CDH12: variants seen among roughly 807,000 people sequenced by gnomAD.
CDH12 encodes the protein cadherin-12.
CDH12 carries 41 observed loss-of-function variants against 74.1 expected under a neutral mutation model. That is an observed-to-expected ratio of 0.55 (90% confidence interval 0.43 to 0.72). The LOEUF (loss-of-function observed/expected upper bound fraction) is 0.72, where lower values mean the gene tolerates loss of function less well. Ranked by LOEUF, CDH12 falls within the 30% of genes least tolerant of loss-of-function variation. The pLI is 0.00. For missense variants in CDH12, 945 were observed against 977.2 expected (o/e 0.97, Z 0.44); for synonymous variants, 399 against 355.0 (o/e 1.12, Z -1.39).
chr5:22,052,754 A>G (rs1406149264), intron 5 of CDH12, among the ~76,000 whole-genome samples: 1 of 152,132 alleles, frequency 6.6e-6, no homozygotes, highest in African/African-American at 2.4e-5. Flanking sequence ...AACATTTATT[A>G]CATTTATTAA....
At chr5:22,744,215 G>C (rs576513284) in intron 1 of CDH12, among the ~76,000 whole-genome samples, 1 of 152,130 alleles carries the variant, frequency 6.6e-6, no homozygotes, top group South Asian at 2.1e-4. Flanking sequence ...GGATCACGAG[G>C]TCAGGAGATC....
intron 3 of CDH12, among the ~76,000 whole-genome samples, chr5:22,290,962 T>G (rs558639966): frequency 1.6e-4 from 25 of 152,212 alleles, no homozygotes; most frequent in Admixed American, 4.6e-4. Flanking sequence ...CTCAATCTCT[T>G]CCGAAAAATT....
At position 21,907,067 on chromosome 5, in the gene CDH12, T is replaced by C. The variant is rs141679502; in HGVS notation, c.527-52277A>G. 1.6e-4 allele frequency among the ~76,000 whole-genome samples: 25 copies of C among 152,296 alleles called. 1 individual carries two copies. In the East Asian group the frequency reaches 3.3e-3, roughly 20 times the overall value. On this transcript the variant is annotated intron_variant, in intron 6 of 14. Coordinates refer to ENST00000382254, the MANE Select transcript of CDH12 (RefSeq NM_004061.5). ...TTACAAAAGACAGCCTCAGTCTTAA[T>C]AGAAATACAAGCTACTGCAATACTG...
chr5:21,882,538 G>A lies in CDH12; in HGVS notation c.527-27748C>T, dbSNP rs1752408643. 8.5e-6 allele frequency: 9 copies of A among 1,062,470 alleles called. No individual in the cohort carries two copies. In the Admixed American group the frequency reaches 8.6e-5, roughly 10 times the overall value. The allele number at this position is 1,062,470 out of a possible 1,614,324, so 65.8% of individuals were successfully genotyped here. Reference sequence around the variant, plus strand: ...ATTAGCACTCTGTCCCTCACTCGCCGCCGACAACCTGTCTCGCCGCGCGCA... The same window carrying A: ...ATTAGCACTCTGTCCCTCACTCGCCACCGACAACCTGTCTCGCCGCGCGCA... On this transcript the variant is annotated intron_variant, in intron 6 of 14. Coordinates refer to ENST00000382254, the MANE Select transcript of CDH12 (RefSeq NM_004061.5).
chr5:22,599,234 T>C (rs1490722234), intron 1 of CDH12, among the ~76,000 whole-genome samples: 1 of 152,184 alleles, frequency 6.6e-6, no homozygotes, highest in Non-Finnish European at 1.5e-5. Context: ...TATTCATTAT[T>C]CAGCGGTCTG....
chr5:22,502,387 G>T lies in CDH12; in HGVS notation c.-428+2883C>A, dbSNP rs188285561. Among the ~76,000 whole-genome samples, 26 of 152,146 alleles carry T rather than the reference G, an allele frequency of 1.7e-4. No individual in the cohort carries two copies. In the East Asian group the frequency reaches 5.0e-3, roughly 29 times the overall value. The stretch of plus-strand genomic sequence containing the variant: ...AGCCTCCCCAGCCATGTGGAACTGT[G>T]AGTCCATTAAACCTCTTTTTCTTTA... On this transcript the variant is annotated intron_variant, in intron 2 of 14. Transcript: ENST00000382254.
chr5:22,340,265 G>A (rs1286024081), intron 3 of CDH12, among the ~76,000 whole-genome samples: 2 of 152,110 alleles, frequency 1.3e-5, no homozygotes, highest in East Asian at 1.9e-4. Flanking sequence ...CGTGGCTCAC[G>A]CCTGTAACCC....
chr5:22,472,121 T>TCA (rs1210271510), intron 2 of CDH12, among the ~76,000 whole-genome samples: 1 of 152,076 alleles, frequency 6.6e-6, no homozygotes, highest in East Asian at 1.9e-4. Context: ...AGAAACATTA[T>TCA]CACATATCAG....
intron 5 of CDH12, among the ~76,000 whole-genome samples, chr5:22,034,393 T>C (rs992152552): frequency 6.6e-6 from 1 of 152,172 alleles, no homozygotes; most frequent in Non-Finnish European, 1.5e-5. Context: ...GGTAACAGAA[T>C]TCTAGTAATG....
At chr5:22,821,497 G>A (rs937001326) in intron 1 of CDH12, among the ~76,000 whole-genome samples, 4 of 152,098 alleles carry the variant, frequency 2.6e-5, no homozygotes, top group Non-Finnish European at 5.9e-5. Context: ...CATTGTCTCA[G>A]CCCAAAATCT....
chr5:22,386,264 C>G (rs1386454914), intron 3 of CDH12, among the ~76,000 whole-genome samples: 1 of 152,136 alleles, frequency 6.6e-6, no homozygotes, highest in Non-Finnish European at 1.5e-5. Flanking sequence ...AAATCCATCC[C>G]CATGATCCAG....
At chr5:22,044,034 T>C (rs1380720982) in intron 5 of CDH12, among the ~76,000 whole-genome samples, 1 of 152,152 alleles carries the variant, frequency 6.6e-6, no homozygotes, top group Non-Finnish European at 1.5e-5. Flanking sequence ...ATAGATTCAA[T>C]GTAGTCACTA....
chr5:22,657,447 A>C (rs925076383), intron 1 of CDH12, among the ~76,000 whole-genome samples: 1 of 152,160 alleles, frequency 6.6e-6, no homozygotes, highest in Admixed American at 6.5e-5. Flanking sequence ...CAAAACAAAA[A>C]ACAAAGCTCT....
intron 5 of CDH12, among the ~76,000 whole-genome samples, chr5:21,985,284 G>A (rs1036707007): frequency 3.9e-5 from 6 of 151,904 alleles, no homozygotes; most frequent in East Asian, 1.9e-4. Flanking sequence ...TTTTACTATC[G>A]CTCTTCTTCA....
intron 1 of CDH12, among the ~76,000 whole-genome samples, chr5:22,521,832 A>G (rs947537912): frequency 5.6e-4 from 85 of 152,248 alleles, no homozygotes; most frequent in African/African-American, 1.9e-3. Context: ...CAGCCTATCG[A>G]TCTCTGACTC....
intron 12 of CDH12, among the ~76,000 whole-genome samples, chr5:21,764,388 A>G (rs1168543814): frequency 6.6e-6 from 1 of 150,896 alleles, no homozygotes; most frequent in Non-Finnish European, 1.5e-5. Context: ...TAAATAAATA[A>G]ATACAAATTA....
chr5:22,536,564 G>A (rs1737854551), intron 1 of CDH12, among the ~76,000 whole-genome samples: 1 of 152,130 alleles, frequency 6.6e-6, no homozygotes, highest in Non-Finnish European at 1.5e-5. Context: ...AAGTGCTAAT[G>A]TATTGCAACA....
intron 9 of CDH12, among the ~76,000 whole-genome samples, chr5:21,814,133 G>A (rs1386080609): frequency 7.6e-6 from 1 of 130,962 alleles, no homozygotes; most frequent in Non-Finnish European, 1.6e-5. Flanking sequence ...ATCCACCACA[G>A]GAGAAATGAG....
chr5:22,497,886 G>A (rs181171429), intron 2 of CDH12, among the ~76,000 whole-genome samples: 7 of 151,840 alleles, frequency 4.6e-5, no homozygotes, highest in South Asian at 2.1e-4. Flanking sequence ...CAAGTGATCC[G>A]CCCAACTCAG....
Sources: gnomAD v4.1 joint callset for allele counts (sites outside exome capture counted in the v4.1 genomes callset) on GRCh38, gnomAD v4.1.1 for gene constraint, MANE v1.5 for transcripts, NCBI Gene and HGNC (gene_info 2026-07-23, HGNC 2026-07-21) for gene names.